Variants in EDC3 observed in about 807,000 individuals in gnomAD.
EDC3 encodes the protein enhancer of mRNA decapping 3.
Under a neutral mutation model 41.8 loss-of-function variants are expected in EDC3, and 20 were observed. The observed-to-expected ratio is 0.48, with a 90% CI of 0.34 to 0.70. The LOEUF (loss-of-function observed/expected upper bound fraction) is 0.70, where lower values mean the gene tolerates loss of function less well. EDC3 is among the 30% of genes least tolerant of loss of function. EDC3 has a pLI of 0.01. For synonymous variants in EDC3, 206 were observed against 243.2 expected, an observed-to-expected ratio of 0.85 and a Z score of 1.42; for missense variants, 444 against 636.8, an observed-to-expected ratio of 0.70 and a Z score of 3.26.
chr15:74,674,779 C>A, intron 2 of EDC3, 182 bp downstream of exon 2: 1 of 648,772 alleles, frequency 1.5e-6, no homozygotes, highest in Non-Finnish European at 2.6e-6. Flanking sequence ...CTTCGGGAGG[C>A]CACAACGGGC....
chr15:74,640,738 A>G, intron 4 of EDC3, 119 bp from the exon 5 acceptor site: 1 of 1,265,564 alleles, frequency 7.9e-7, no homozygotes, highest in South Asian at 1.3e-5. Context: ...CCCCTGGCCC[A>G]TCCTCTTCAT....
At chr15:74,639,871 C>T (rs963340845) in intron 5 of EDC3, 2 of 152,176 alleles carry the variant, frequency 1.3e-5, no homozygotes, top group African/African-American at 4.8e-5. Context: ...ATTTTGTTTC[C>T]TCTACTACAG....
intron 4 of EDC3, chr15:74,641,985 CCTTGT>C (rs912360824): frequency 6.6e-6 from 1 of 152,148 alleles, no homozygotes; most frequent in Non-Finnish European, 1.5e-5. Flanking sequence ...TGTTCCAGAG[CCTTGT>C]CTAGAAAAAT....
At chr15:74,673,652 C>T (rs567484067) in intron 2 of EDC3, among the ~76,000 whole-genome samples, 27 of 151,998 alleles carry the variant, frequency 1.8e-4, no homozygotes, top group African/African-American at 6.0e-4. Flanking sequence ...CTGGCTAACA[C>T]GGTGAAACCC....
intron 3 of EDC3, among the ~76,000 whole-genome samples, chr15:74,663,002 C>T (rs1040320203): frequency 1.3e-5 from 2 of 152,142 alleles, no homozygotes; most frequent in African/African-American, 4.8e-5. Context: ...AAAGCATGAG[C>T]TGGCCTGGCG....
At chr15:74,667,128 AG>A (rs1797856774) in intron 3 of EDC3, among the ~76,000 whole-genome samples, 2 of 152,080 alleles carry the variant, frequency 1.3e-5, no homozygotes, top group African/African-American at 4.8e-5. Context: ...GAATGACAAT[AG>A]GAGACAGGTT....
At chr15:74,648,586 T>C (rs2062443785) in intron 4 of EDC3, among the ~76,000 whole-genome samples, 9 of 152,292 alleles carry the variant, frequency 5.9e-5, no homozygotes, top group Admixed American at 5.2e-4. Context: ...AAATGAGTAT[T>C]GGTAAAAGGT....
Position 74,632,260 on chromosome 15 carries a change from G to T in EDC3, c.*352C>A. On this transcript the variant is annotated 3_prime_UTR_variant, in exon 7 of 7. Coordinates refer to ENST00000315127, the MANE Select transcript of EDC3 (RefSeq NM_025083.5). The surrounding 1 kb of genome is among the most constrained non-coding windows in gnomAD (Gnocchi z 4.0). ...GGTACAGGCCCCCAGACAGGACCTG[G>T]CCCACTCTTCAATGTGTGTGCCCAG... is the stretch of plus-strand genomic sequence containing the variant. The T allele has an allele frequency of 3.2e-6, 1 of 315,844 alleles. No individual in the cohort carries two copies. Among genetic ancestry groups the T allele is most frequent in the Non-Finnish European group, 6.0e-6 (1 of 166,474 alleles). 19.6% of individuals were successfully genotyped at this position (315,844 alleles called of 1,614,324 possible).
In EDC3 at chr15:74,635,581, C is replaced by T. The variant is rs770523701; in HGVS notation, c.1020G>A (p.Leu340=). The part of the protein sequence containing the change: ...NVHQRPTVAL[L]CGPHVKGAQG... ...GAGCCCCCTTCACATGAGGTCCACA[C>T]AGTAGAGCCACTGTAGGCCTCTGGT... Residue 340 remains leucine (L), a synonymous_variant, in exon 6 of 7, where the codon CTG becomes CTA. Coordinates refer to ENST00000315127, the MANE Select transcript of EDC3 (RefSeq NM_025083.5). 9.3e-6 allele frequency: 15 copies of T among 1,614,236 alleles called. No homozygotes were observed. Among genetic ancestry groups the T allele is most frequent in the Non-Finnish European group, 1.3e-5 (15 of 1,180,022 alleles).
rs529119712 is a variant in EDC3, at chr15:74,663,488, G to A, written c.485-7420C>T. 3.9e-5 allele frequency among the ~76,000 whole-genome samples: 6 copies of A among 152,070 alleles called. No homozygotes were observed. In the East Asian group the frequency reaches 5.8e-4, roughly 15 times the overall value. The stretch of plus-strand genomic sequence containing the variant: ...AATCCAAAAATTTCTGAGCGCCAAC[G>A]TGATGTTCAAAGAAAATGCTGATTG... On this transcript the variant is annotated intron_variant, in intron 3 of 6. Coordinates refer to ENST00000315127, the MANE Select transcript of EDC3 (RefSeq NM_025083.5).
intron 5 of EDC3, chr15:74,638,923 T>C (rs1215537660): frequency 3.3e-5 from 5 of 150,076 alleles, no homozygotes; most frequent in African/African-American, 4.9e-5. Context: ...ACAACACCCA[T>C]CTGTCCACTT....
At chr15:74,672,603 G>A (rs2062752313) in intron 2 of EDC3, among the ~76,000 whole-genome samples, 1 of 152,126 alleles carries the variant, frequency 6.6e-6, no homozygotes, top group South Asian at 2.1e-4. Flanking sequence ...ATCACTTGAG[G>A]CCAGGAGTTC....
chr15:74,641,615 A>G lies in EDC3; in HGVS notation c.821-996T>C, dbSNP rs1229858307. 4.6e-5 allele frequency: 7 copies of G among 152,940 alleles called. No homozygotes were observed. The South Asian group carries it at 1.2e-3, about 27-fold the overall frequency. 9.5% of individuals were successfully genotyped at this position (152,940 alleles called of 1,614,324 possible). On this transcript the variant is annotated intron_variant, in intron 4 of 6. Coordinates refer to ENST00000315127, the MANE Select transcript of EDC3 (RefSeq NM_025083.5). ...CTAACCAGCAGACCCTTTCCCAAAG[A>G]GCCCCACTTGGCTTCACCGGCCAGT...
intron 3 of EDC3, among the ~76,000 whole-genome samples, chr15:74,663,521 T>C (rs1173071308): frequency 6.6e-6 from 1 of 152,046 alleles, no homozygotes; most frequent in Non-Finnish European, 1.5e-5. Flanking sequence ...TTGGAGCATT[T>C]TGGATTTCTG....
intron 4 of EDC3, among the ~76,000 whole-genome samples, chr15:74,653,378 C>A (rs964615303): frequency 6.6e-6 from 1 of 152,168 alleles, no homozygotes; most frequent in Non-Finnish European, 1.5e-5. Context: ...GTGTCCCCAG[C>A]TCTGCACTGA....
At chr15:74,668,873 G>A (rs552707038) in intron 3 of EDC3, among the ~76,000 whole-genome samples, 6 of 152,190 alleles carry the variant, frequency 3.9e-5, no homozygotes, top group East Asian at 3.9e-4. Context: ...TGCAAACATC[G>A]TCATTTCAGA....
At chr15:74,645,716 A>C (rs1460942145) in intron 4 of EDC3, among the ~76,000 whole-genome samples, 1 of 137,630 alleles carries the variant, frequency 7.3e-6, no homozygotes, top group Non-Finnish European at 1.5e-5. Flanking sequence ...TAAAAATACA[A>C]AAAAAAAAAA....
chr15:74,671,760 G>A lies in EDC3; in HGVS notation c.179C>T (p.Thr60Met), dbSNP rs751892786. 108 of 1,613,626 alleles carry A rather than the reference G, an allele frequency of 6.7e-5. No individual in the cohort carries two copies. Among genetic ancestry groups the A allele is most frequent in the Non-Finnish European group, 6.7e-5 (79 of 1,179,740 alleles). Reference protein sequence around the residue: ...PEVTFRAGDITELKILEIPGP... With the variant: ...PEVTFRAGDIMELKILEIPGP... ...TGGTATCTCCAGAATTTTTAACTCC[G>A]TAATGTCACCTGCCCTGAAATACAC... Residue 60 changes from threonine to methionine, a missense_variant, in exon 3 of 7, where the codon ACG becomes ATG. Thr to Met is a moderately conservative substitution (Grantham distance 81). Coordinates refer to ENST00000315127, the MANE Select transcript of EDC3 (RefSeq NM_025083.5). The surrounding 1 kb of genome is among the most constrained non-coding windows in gnomAD (Gnocchi z 4.6).
At chr15:74,652,653 C>T (rs2062495524) in intron 4 of EDC3, among the ~76,000 whole-genome samples, 1 of 151,976 alleles carries the variant, frequency 6.6e-6, no homozygotes, top group African/African-American at 2.4e-5. Flanking sequence ...ATGACTTTGG[C>T]TCATTGCAGC....
Sources: allele counts gnomAD v4.1 joint callset (sites outside exome capture counted in the v4.1 genomes callset), GRCh38; gene constraint gnomAD v4.1.1; non-coding constraint Gnocchi (gnomAD v3.1); transcripts MANE v1.5; gene names NCBI Gene and HGNC (gene_info 2026-07-23, HGNC 2026-07-21).